Variants in CNTNAP2 observed in about 807,000 individuals in gnomAD.
CNTNAP2 encodes contactin-associated protein-like 2.
CNTNAP2 carries 98 observed loss-of-function variants against 155.2 expected under a neutral mutation model. That is an observed-to-expected ratio of 0.63 (90% CI 0.54 to 0.75). The LOEUF is 0.75. CNTNAP2 is among the 30% of genes least tolerant of loss of function. The pLI, the probability that CNTNAP2 is intolerant of heterozygous loss-of-function variation, is 0.00. For synonymous variants in CNTNAP2, 651 were observed against 631.2 expected, an observed-to-expected ratio of 1.03 and a Z score of -0.47; for missense variants, 1,727 against 1,688.1, an observed-to-expected ratio of 1.02 and a Z score of -0.40.
chr7:146,557,317 G>T (rs1798212100), intron 1 of CNTNAP2, among the ~76,000 whole-genome samples: 1 of 152,034 alleles, frequency 6.6e-6, no homozygotes, highest in African/African-American at 2.4e-5. Context: ...TACCCTCCCA[G>T]GCTGGAGGTG....
At position 147,137,873 on chromosome 7, in the gene CNTNAP2, G is replaced by GTACA. The variant is rs1801515663; in HGVS notation, c.1348+5366_1348+5367insCATA. Among the ~76,000 whole-genome samples the GTACA allele has an allele frequency of 4.3e-5, 6 of 140,140 alleles. No homozygotes were observed. In the South Asian group the frequency reaches 1.3e-3, roughly 30 times the overall value. 91.9% of individuals were successfully genotyped at this position (140,140 alleles called of 152,430 possible). A position where few individuals can be genotyped will look rare whatever the true frequency, so the allele number is the denominator to read the frequency against. ...AAATGATTGGAAAATAGATAGATACGTAGATAGATAGATAGATAGATAGAT... is the reference window on the plus strand; with the variant it reads ...AAATGATTGGAAAATAGATAGATACGTACATAGATAGATAGATAGATAGATAGAT... On this transcript the variant is annotated intron_variant, in intron 8 of 23. Transcript: ENST00000361727.
At chr7:147,499,398 A>C (rs7782899) in intron 11 of CNTNAP2, among the ~76,000 whole-genome samples, 1 of 151,536 alleles carries the variant, frequency 6.6e-6, no homozygotes, top group African/African-American at 2.4e-5. Flanking sequence ...GCGTGGTGGC[A>C]GGCGCCTGTA....
intron 13 of CNTNAP2, among the ~76,000 whole-genome samples, chr7:147,835,469 C>T (rs944765854): frequency 3.3e-5 from 5 of 152,130 alleles, no homozygotes; most frequent in South Asian, 2.1e-4. Flanking sequence ...AATCAGTGTA[C>T]TGCTTGCTTC....
At chr7:147,718,346 G>A (rs185705144) in intron 13 of CNTNAP2, among the ~76,000 whole-genome samples, 10 of 152,148 alleles carry the variant, frequency 6.6e-5, no homozygotes, top group African/African-American at 2.2e-4. Context: ...TTTATACATG[G>A]AAACACTCTT....
intron 13 of CNTNAP2, among the ~76,000 whole-genome samples, chr7:147,708,885 C>T (rs954564643): frequency 5.5e-4 from 83 of 152,218 alleles, no homozygotes; most frequent in African/African-American, 1.9e-3. Flanking sequence ...GTAGCAGATG[C>T]CTCTAGTCAG....
chr7:146,880,506 A>G (rs1795523751), intron 3 of CNTNAP2, among the ~76,000 whole-genome samples: 1 of 152,116 alleles, frequency 6.6e-6, no homozygotes, highest in South Asian at 2.1e-4. Context: ...ATAAAACTTA[A>G]AATTAAGTAA....
At chr7:147,795,993 A>G (rs1285715568) in intron 13 of CNTNAP2, among the ~76,000 whole-genome samples, 1 of 152,180 alleles carries the variant, frequency 6.6e-6, no homozygotes, top group Non-Finnish European at 1.5e-5. Context: ...GGATTTAACT[A>G]GATCCACAAT....
intron 16 of CNTNAP2, among the ~76,000 whole-genome samples, chr7:148,136,388 C>T (rs2116636067): frequency 6.6e-6 from 1 of 152,122 alleles, no homozygotes; most frequent in East Asian, 1.9e-4. Flanking sequence ...TTTTAAAGAG[C>T]TTGGCACCTC....
At chr7:147,523,503 C>T (rs1184665797) in intron 11 of CNTNAP2, among the ~76,000 whole-genome samples, 1 of 152,158 alleles carries the variant, frequency 6.6e-6, no homozygotes, top group East Asian at 1.9e-4. Flanking sequence ...TTGGGATCAC[C>T]GTAGAAGCTT....
At chr7:146,301,725 T>G (rs915462818) in intron 1 of CNTNAP2, among the ~76,000 whole-genome samples, 2 of 152,130 alleles carry the variant, frequency 1.3e-5, no homozygotes, top group Non-Finnish European at 2.9e-5. Flanking sequence ...ATGAATGATC[T>G]CCAAATAAAT....
chr7:147,364,155 T>C (rs1584901081), intron 9 of CNTNAP2, among the ~76,000 whole-genome samples: 1 of 152,308 alleles, frequency 6.6e-6, no homozygotes, highest in East Asian at 1.9e-4. Context: ...CTTTTTATAT[T>C]ATCTCTTTCT....
At chr7:147,391,364 T>A (rs1796714867) in intron 9 of CNTNAP2, among the ~76,000 whole-genome samples, 1 of 152,126 alleles carries the variant, frequency 6.6e-6, no homozygotes, top group Admixed American at 6.6e-5. Flanking sequence ...GTCATCCTTT[T>A]TTTATGTATA....
intron 3 of CNTNAP2, among the ~76,000 whole-genome samples, chr7:146,952,249 C>T (rs983831650): frequency 2.6e-5 from 4 of 152,068 alleles, no homozygotes; most frequent in Non-Finnish European, 5.9e-5. Context: ...TAAAAACTCT[C>T]AATAAACTAG....
At chr7:147,404,392 C>T (rs530364592) in intron 10 of CNTNAP2, among the ~76,000 whole-genome samples, 1 of 152,310 alleles carries the variant, frequency 6.6e-6, no homozygotes, top group South Asian at 2.1e-4. Context: ...CCAACTTAAA[C>T]ATATAGAAAA....
At chr7:147,666,998 A>G (rs2116960273) in intron 13 of CNTNAP2, among the ~76,000 whole-genome samples, 1 of 152,344 alleles carries the variant, frequency 6.6e-6, no homozygotes, top group East Asian at 1.9e-4. Flanking sequence ...AATGAAGACC[A>G]GTCACAGAAG....
chr7:146,534,520 C>G (rs801929), intron 1 of CNTNAP2, among the ~76,000 whole-genome samples: 67,938 of 151,832 alleles, frequency 0.45, 17,233 homozygotes, highest in African/African-American at 0.7. Context: ...GTCTGACCCA[C>G]ATAAAAAGAC....
chr7:147,977,541 ACT>A (rs1177880035), intron 14 of CNTNAP2, among the ~76,000 whole-genome samples: 1 of 152,024 alleles, frequency 6.6e-6, no homozygotes, highest in African/African-American at 2.4e-5. Context: ...ACAACAGCAA[ACT>A]CTGCATGTGT....
At chr7:147,916,677 G>GA (rs11423683) in intron 14 of CNTNAP2, among the ~76,000 whole-genome samples, 32,735 of 128,392 alleles carry the variant, frequency 0.25, 3,951 homozygotes, top group Middle Eastern at 0.38. Context: ...TATGTTTTCT[G>GA]AAAAAAAAAA....
intron 1 of CNTNAP2, among the ~76,000 whole-genome samples, chr7:146,527,249 G>A (rs2129138408): frequency 6.6e-6 from 1 of 152,146 alleles, no homozygotes; most frequent in Admixed American, 6.6e-5. Context: ...AATAACACAA[G>A]GAACCCCAAG....
Sources: gnomAD v4.1 joint callset for allele counts (sites outside exome capture counted in the v4.1 genomes callset) on GRCh38, gnomAD v4.1.1 for gene constraint, MANE v1.5 for transcripts, NCBI Gene and HGNC (gene_info 2026-07-23, HGNC 2026-07-21) for gene names.